Variants in C11orf65 observed in about 807,000 individuals in gnomAD.
The protein encoded by C11orf65 is chromosome 11 open reading frame 65, also known as protein MFI.
C11orf65 carries 38 observed loss-of-function variants against 35.3 expected under a neutral mutation model. That is an observed-to-expected ratio of 1.08 (90% CI 0.83 to 1.41). The LOEUF (loss-of-function observed/expected upper bound fraction) is 1.41. Ranked by LOEUF, C11orf65 falls within the 40% of genes most tolerant of loss-of-function variation. The pLI is 0.00. For synonymous variants in C11orf65, 105 were observed against 114.4 expected (o/e 0.92, Z 0.53); for missense variants, 370 against 367.1 (o/e 1.01, Z -0.06).
chr11:108,407,983 G>A lies in C11orf65; in HGVS notation c.175-834C>T, dbSNP rs370616944. Among the ~76,000 whole-genome samples the A allele has an allele frequency of 8.1e-5, 10 of 123,834 alleles. No individual in the cohort carries two copies. The East Asian group carries it at 2.4e-3, about 30-fold the overall frequency. The allele number at this position is 123,834 out of a possible 152,430, so 81.2% of individuals were successfully genotyped here. On this transcript the variant is annotated intron_variant, in intron 3 of 8. Coordinates refer to ENST00000393084, the MANE Select transcript of C11orf65 (RefSeq NM_152587.5). ...GAAAAGAAAATATTTTATGAGCTAA[G>A]GACTTAATTTCTTTTTATTATTATT... is the stretch of plus-strand genomic sequence containing the variant.
intron 2 of C11orf65, among the ~76,000 whole-genome samples, chr11:108,375,052 G>A (rs2091685049): frequency 1.3e-5 from 2 of 152,138 alleles, no homozygotes; most frequent in African/African-American, 2.4e-5. Context: ...AACCAAGATG[G>A]AAAACACTCT....
chr11:108,459,770 C>CA (rs3221698), intron 2 of C11orf65, among the ~76,000 whole-genome samples: 49 of 140,506 alleles, frequency 3.5e-4, no homozygotes, highest in Non-Finnish European at 5.9e-4. Context: ...CACACACACA[C>CA]CTCTTTATTT....
In C11orf65 at chr11:108,365,733, G is replaced by A. The variant is rs1217828475; in HGVS notation, c.226+27475C>T. 4 of 605,050 alleles carry A rather than the reference G, an allele frequency of 6.6e-6. No homozygotes were observed. In the East Asian group the frequency reaches 1.3e-4, roughly 19 times the overall value. 37.5% of individuals were successfully genotyped at this position (605,050 alleles called of 1,614,324 possible). ...CTCTTTAGAAATAATGGTCATTCGG[G>A]CTGGGCGCAGCGGCTCACGCCTGTA... On this transcript the variant is annotated intron_variant, in intron 2 of 3. Transcript: ENST00000524755.
At position 108,321,085 on chromosome 11, in the gene C11orf65, A is replaced by G. The variant is rs781374675; in HGVS notation, c.641-12014T>C. 3.4e-4 allele frequency among the ~76,000 whole-genome samples: 51 copies of G among 152,052 alleles called. 1 individual carries two copies. Among genetic ancestry groups the G allele is most frequent in the Admixed American group, 1.2e-3 (18 of 15,254 alleles). ...TCTCAGGGGTGGCAAGGTGGGAGAA[A>G]CTCTGAGTGTAAGTGGACCATGCAT... On this transcript the variant is annotated intron_variant, in intron 6 of 6. Coordinates refer to the C11orf65 transcript ENST00000525729.
rs57080338 is a variant in C11orf65 at position 108,372,174 on chromosome 11, TATTCATTC to T, written c.226+21026_226+21033del. On this transcript the variant is annotated intron_variant, in intron 2 of 3. Coordinates refer to the C11orf65 transcript ENST00000524755. ...TATAACTCTTTGTAACACTAAATTT[TATTCATTC>T]ATTCATTCATTCATTCATTCATTCA... 9.9e-3 allele frequency among the ~76,000 whole-genome samples: 1,504 copies of T among 151,402 alleles called. 26 individuals carry two copies. The highest frequency in any genetic ancestry group is 0.033 in the African/African-American group (1,360 of 41,214).
chr11:108,387,909 G>C (rs545044490), intron 7 of C11orf65, among the ~76,000 whole-genome samples: 2 of 152,184 alleles, frequency 1.3e-5, no homozygotes, highest in African/African-American at 4.8e-5. Context: ...GGTGCTCTGC[G>C]AACTTTCTTC....
Position 108,383,025 on chromosome 11 carries a change from A to T in C11orf65, c.938T>A (p.Leu313Gln), listed in dbSNP as rs754193546. The T allele has an allele frequency of 6.2e-7, 1 of 1,611,100 alleles. No individual in the cohort carries two copies. Among genetic ancestry groups the T allele is most frequent in the South Asian group, 1.1e-5 (1 of 90,186 alleles). Residue 313 changes from leucine to glutamine, a missense_variant, in exon 9 of 9, where the codon CTA becomes CAA. Leu to Gln is a moderately radical substitution (Grantham distance 113). Coordinates refer to ENST00000393084, the MANE Select transcript of C11orf65 (RefSeq NM_152587.5). ...TCAGAATAGAAATAAAGTACTTTAT[A>T]GTCCATAAGTAGAATCAGGCGTTAA... ...TRLTPDSTYG[L>Q]
Position 108,396,643 on chromosome 11 carries a change from AAC to A in C11orf65, c.561-3267_561-3266del. Among the ~76,000 whole-genome samples the A allele has an allele frequency of 2.0e-5, 3 of 150,414 alleles. No homozygotes were observed. In the South Asian group the frequency reaches 6.4e-4, roughly 32 times the overall value. ...TCAGGAGATTGAGACCATCCTGGCT[AAC>A]ACAGTGAAATTCTGTCTCTACTAAA... On this transcript the variant is annotated intron_variant, in intron 6 of 8. Transcript: ENST00000393084.
intron 2 of C11orf65, among the ~76,000 whole-genome samples, chr11:108,445,604 C>A (rs1242874500): frequency 6.6e-6 from 1 of 152,090 alleles, no homozygotes; most frequent in Non-Finnish European, 1.5e-5. Flanking sequence ...AGGACATCCA[C>A]ACCAAAAACC....
intron 2 of C11orf65, among the ~76,000 whole-genome samples, chr11:108,450,280 T>C (rs1187877607): frequency 6.6e-6 from 1 of 151,952 alleles, no homozygotes; most frequent in East Asian, 1.9e-4. Flanking sequence ...ATCCCATTAC[T>C]GGGTATACAC....
intron 3 of C11orf65, among the ~76,000 whole-genome samples, chr11:108,413,318 A>G (rs1038923183): frequency 4.6e-5 from 7 of 152,134 alleles, no homozygotes; most frequent in African/African-American, 1.7e-4. Context: ...CCATTAACTA[A>G]TTTCCCATCG....
At chr11:108,323,198 A>T (rs1411745419) in intron 6 of C11orf65, among the ~76,000 whole-genome samples, 1 of 152,254 alleles carries the variant, frequency 6.6e-6, no homozygotes, top group Non-Finnish European at 1.5e-5. Context: ...ATGACATAGC[A>T]GAAGACATAC....
intron 2 of C11orf65, chr11:108,347,234 A>T (rs2137075232): frequency 1.5e-6 from 2 of 1,368,686 alleles, no homozygotes; most frequent in Non-Finnish European, 2.1e-6. Context: ...TATTAGAAAG[A>T]GATGGAATCA....
intron 2 of C11orf65, among the ~76,000 whole-genome samples, chr11:108,357,310 G>A (rs145703988): frequency 8.3e-4 from 122 of 147,166 alleles, no homozygotes; most frequent in South Asian, 1.5e-3. Context: ...ACGGAGTCTC[G>A]CTGATTGCTA....
At chr11:108,325,661 T>C in intron 6 of C11orf65, 1 of 895,782 alleles carries the variant, frequency 1.1e-6, no homozygotes, top group Non-Finnish European at 1.7e-6. Flanking sequence ...TCTATTAATA[T>C]ATAGTAAAAA....
rs1057522992 is a variant in C11orf65 at position 108,315,917 on chromosome 11, T to C, written c.641-6846A>G. 20 of 1,610,508 alleles carry C rather than the reference T, an allele frequency of 1.2e-5. No individual in the cohort carries two copies. Among genetic ancestry groups the C allele is most frequent in the African/African-American group, 2.7e-5 (2 of 74,958 alleles). Reference sequence around the variant, plus strand: ...ATGTTACAACCCATTACTAGGTAAATTGCATTTTTCTAAACAACGGTATAG... The same window carrying C: ...ATGTTACAACCCATTACTAGGTAAACTGCATTTTTCTAAACAACGGTATAG... On this transcript the variant is annotated intron_variant, in intron 6 of 6. Transcript: ENST00000525729.
intron 6 of C11orf65, among the ~76,000 whole-genome samples, chr11:108,312,887 T>C (rs1255919865): frequency 6.6e-6 from 1 of 152,230 alleles, no homozygotes; most frequent in East Asian, 1.9e-4. Context: ...TTTCTTGATA[T>C]CCATTCTTAA....
At chr11:108,421,808 T>C (rs763564828) in intron 3 of C11orf65, among the ~76,000 whole-genome samples, 13 of 152,216 alleles carry the variant, frequency 8.5e-5, no homozygotes, top group Admixed American at 2.6e-4. Context: ...GCATGTTTGA[T>C]AGGTAGGCAA....
intron 2 of C11orf65, among the ~76,000 whole-genome samples, chr11:108,436,792 G>A (rs957986020): frequency 3.3e-5 from 5 of 152,132 alleles, no homozygotes; most frequent in Admixed American, 1.3e-4. Flanking sequence ...TAGAAACTAT[G>A]GGAGACAGAA....
Sources: allele counts gnomAD v4.1 joint callset (sites outside exome capture counted in the v4.1 genomes callset), GRCh38; gene constraint gnomAD v4.1.1; transcripts MANE v1.5; gene names NCBI Gene and HGNC (gene_info 2026-07-23, HGNC 2026-07-21).